The following MNDA variants were observed in gnomAD, a reference collection of about 807,000 sequenced individuals.
MNDA encodes epididymis secretory sperm binding protein.
MNDA carries 43 observed loss-of-function variants against 37.8 expected under a neutral mutation model. That is an observed-to-expected ratio of 1.14 (90% CI 0.89 to 1.47). The LOEUF (loss-of-function observed/expected upper bound fraction) is 1.47, where lower values mean the gene tolerates loss of function less well. Ranked by LOEUF, MNDA falls within the 40% of genes most tolerant of loss-of-function variation. MNDA has a pLI of 0.00. For missense variants in MNDA, 536 were observed against 476.0 expected, an observed-to-expected ratio of 1.13 and a Z score of -1.17; for synonymous variants, 181 against 169.0, an observed-to-expected ratio of 1.07 and a Z score of -0.55.
chr1:158,842,718 CT>C (rs1233746908), intron 2 of MNDA: 2 of 231,990 alleles, frequency 8.6e-6, no homozygotes, highest in African/African-American at 4.5e-5. Context: ...AAAAAAGCTA[CT>C]TTAAAAAATG....
intron 1 of MNDA, among the ~76,000 whole-genome samples, chr1:158,839,267 G>C (rs1270499802): frequency 6.6e-6 from 1 of 152,144 alleles, no homozygotes. Flanking sequence ...AACGTTCTCT[G>C]AGGCCTATAT....
In MNDA at chr1:158,842,205, G is replaced by T. The variant is rs1472484509; in HGVS notation, c.52G>T (p.Asp18Tyr). 2 of 1,613,746 alleles carry T rather than the reference G, an allele frequency of 1.2e-6. No individual in the cohort carries two copies. The highest frequency in any genetic ancestry group is 1.7e-6 in the Non-Finnish European group (2 of 1,179,878). Residue 18 changes from aspartate (D) to tyrosine (Y), a missense_variant, in exon 2 of 7, where the codon GAT (aspartate) becomes TAT (tyrosine). Coordinates refer to ENST00000368141, the MANE Select transcript of MNDA (RefSeq NM_002432.3). ...ILLLKGFELM[D>Y]DYHFTSIKSL... Reference sequence around the variant, plus strand: ...TTTGCTGAAAGGATTTGAGCTCATGGATGATTATCATTTTACATCAATTAA... The same window carrying T: ...TTTGCTGAAAGGATTTGAGCTCATGTATGATTATCATTTTACATCAATTAA...
At chr1:158,835,173 A>G (rs1658882079) in intron 1 of MNDA, among the ~76,000 whole-genome samples, 1 of 152,186 alleles carries the variant, frequency 6.6e-6, no homozygotes. Flanking sequence ...TTTGCATTAC[A>G]GATTACATTG....
Position 158,844,310 on chromosome 1 carries a change from C to G in MNDA, c.570+188C>G, listed in dbSNP as rs550670984. 5.9e-5 allele frequency among the ~76,000 whole-genome samples: 9 copies of G among 151,716 alleles called. No homozygotes were observed. In the South Asian group the frequency reaches 1.3e-3, roughly 21 times the overall value. On this transcript the variant is annotated intron_variant, in intron 4 of 6. Transcript: ENST00000368141. The stretch of plus-strand genomic sequence containing the variant: ...CATGCAAGTAAAGTCCAATTACCTA[C>G]AGGTAATCACTGTGTGTAAAACACC...
At position 158,849,265 on chromosome 1, in the gene MNDA, A is replaced by G; in HGVS notation, c.*28A>G. On this transcript the variant is annotated 3_prime_UTR_variant, in exon 7 of 7. Transcript: ENST00000368141. ...TATGAAAGCTGAAATGCAACAAACA[A>G]CTTCCGCTTAAAACAATTAAGTTGT... 1 of 1,594,770 alleles carries G rather than the reference A, an allele frequency of 6.3e-7. No homozygotes were observed. Among genetic ancestry groups the G allele is most frequent in the South Asian group, 1.1e-5 (1 of 88,782 alleles).
chr1:158,837,216 G>C (rs1300696195), intron 1 of MNDA, among the ~76,000 whole-genome samples: 1 of 151,612 alleles, frequency 6.6e-6, no homozygotes, highest in Admixed American at 6.6e-5. Flanking sequence ...AGATATAATT[G>C]GTCTATAAGT....
At chr1:158,845,536 G>A (rs373210403) in intron 4 of MNDA, 51 bp from the exon 5 acceptor site, 28 of 1,546,404 alleles carry the variant, frequency 1.8e-5, no homozygotes, top group Admixed American at 4.0e-5. Flanking sequence ...CACCGCGCCC[G>A]GCCTCCTGCT....
intron 4 of MNDA, among the ~76,000 whole-genome samples, chr1:158,844,995 G>A (rs1439178527): frequency 6.6e-6 from 1 of 152,162 alleles, no homozygotes; most frequent in Non-Finnish European, 1.5e-5. Context: ...GCTTCAGGAA[G>A]ATTATTCTGA....
chr1:158,841,699 A>C (rs1046553510), intron 1 of MNDA, among the ~76,000 whole-genome samples: 1 of 151,872 alleles, frequency 6.6e-6, no homozygotes, highest in South Asian at 2.1e-4. Context: ...GCCCATTTAT[A>C]CTTAGGCCAC....
chr1:158,847,439 C>T (rs1404839449), intron 5 of MNDA, among the ~76,000 whole-genome samples: 1 of 151,992 alleles, frequency 6.6e-6, no homozygotes, highest in Non-Finnish European at 1.5e-5. Flanking sequence ...TTTGATTCCT[C>T]TATATCTAGG....
At chr1:158,842,039 A>G in intron 1 of MNDA, 95 bp from the exon 2 acceptor site, 1 of 1,070,456 alleles carries the variant, frequency 9.3e-7, no homozygotes, top group Non-Finnish European at 1.4e-6. Context: ...CAAGGACAAC[A>G]TTTTGGCCTG....
In MNDA at chr1:158,849,361, T is replaced by A; in HGVS notation, c.*124T>A. On this transcript the variant is annotated 3_prime_UTR_variant, in exon 7 of 7. Transcript: ENST00000368141. ...TTTCAGTAGATATATTCTAGCATATTAAGAGCTTTTATAACTGAGTTATAG... is the reference window on the plus strand; with the variant it reads ...TTTCAGTAGATATATTCTAGCATATAAAGAGCTTTTATAACTGAGTTATAG... 1.3e-6 allele frequency: 1 copy of A among 747,462 alleles called. No homozygotes were observed. The highest frequency in any genetic ancestry group is 2.1e-6 in the Non-Finnish European group (1 of 487,686). The allele number at this position is 747,462 out of a possible 1,614,324, so 46.3% of individuals were successfully genotyped here.
chr1:158,832,797 T>C (rs1254040334), intron 1 of MNDA, among the ~76,000 whole-genome samples: 3 of 152,054 alleles, frequency 2.0e-5, no homozygotes, highest in Non-Finnish European at 4.4e-5. Context: ...ACTTATGCTT[T>C]ATTTGTACTT....
rs765988646 is a variant in MNDA at position 158,846,003 on chromosome 1, G to T, written c.987G>T (p.Lys329Asn). The stretch of plus-strand genomic sequence containing the variant: ...TGTATGGGTTGTTTATGTTACAAAA[G>T]GTAAACCCTTAATTTTGTTTTAATT... The part of the protein sequence containing the change: ...TMVYGLFMLQ[K>N]KSVHKKNTIY... Residue 329 changes from lysine (K) to asparagine (N), a missense_variant and splice_region_variant, in exon 5 of 7, where the codon AAG becomes AAT. Physicochemically the swap from Lys to Asn is moderately conservative, Grantham distance 94. Coordinates refer to ENST00000368141, the MANE Select transcript of MNDA (RefSeq NM_002432.3). 2 of 1,581,224 alleles carry T rather than the reference G, an allele frequency of 1.3e-6. No homozygotes were observed. The highest frequency in any genetic ancestry group is 1.7e-6 in the Non-Finnish European group (2 of 1,165,658).
chr1:158,838,226 T>C (rs1658961692), intron 1 of MNDA, among the ~76,000 whole-genome samples: 1 of 152,044 alleles, frequency 6.6e-6, no homozygotes, highest in Admixed American at 6.6e-5. Flanking sequence ...CATCCTTGTG[T>C]TTCAGCTTGA....
At chr1:158,839,483 A>G (rs778482761) in intron 1 of MNDA, among the ~76,000 whole-genome samples, 4 of 152,180 alleles carry the variant, frequency 2.6e-5, no homozygotes, top group Non-Finnish European at 5.9e-5. Context: ...AAGCTGGAGC[A>G]CCCACCACTA....
Position 158,849,468 on chromosome 1 carries a change from A to AAAG in MNDA, c.*231_*232insAAG. On this transcript the variant is annotated 3_prime_UTR_variant, in exon 7 of 7. Coordinates refer to ENST00000368141, the MANE Select transcript of MNDA (RefSeq NM_002432.3). ...ATTACATTTTGCTTTTATGACATTC[A>AAAG]CGAGGCAAAAAATAAAATATCTTTT... is the stretch of plus-strand genomic sequence containing the variant. 1 of 447,982 alleles carries AAAG rather than the reference A, an allele frequency of 2.2e-6. No individual in the cohort carries two copies. The allele number at this position is 447,982 out of a possible 1,614,324, so 27.8% of individuals were successfully genotyped here.
In MNDA at chr1:158,849,228, T is replaced by C. The variant is rs140803418; in HGVS notation, c.1215T>C (p.Asn405=). ...KAKKNKEGPM[N]VN is the part of the protein sequence containing the mutation. ...AGAAAAACAAGGAAGGACCAATGAA[T>C]GTTAATTGAAATATGAAAGCTGAAA... The change falls in exon 7 of 7, where the codon AAT becomes AAC. Residue 405 remains asparagine, a synonymous_variant. Coordinates refer to ENST00000368141, the MANE Select transcript of MNDA (RefSeq NM_002432.3). 2.5e-6 allele frequency: 4 copies of C among 1,611,848 alleles called. No homozygotes were observed. In the African/African-American group the frequency reaches 5.3e-5, roughly 22 times the overall value.
chr1:158,844,909 C>T (rs894684521), intron 4 of MNDA, among the ~76,000 whole-genome samples: 8 of 152,090 alleles, frequency 5.3e-5, no homozygotes, highest in South Asian at 4.1e-4. Context: ...ATATTCTAAT[C>T]TTTCTTTAAA....
Sources: gnomAD v4.1 joint callset for allele counts (sites outside exome capture counted in the v4.1 genomes callset) on GRCh38, gnomAD v4.1.1 for gene constraint, MANE v1.5 for transcripts, NCBI Gene and HGNC (gene_info 2026-07-23, HGNC 2026-07-21) for gene names.